Variants in OSBP2 observed in about 807,000 individuals in gnomAD.
OSBP2 encodes oxysterol-binding protein 2.
Under a neutral mutation model 96.0 loss-of-function variants are expected in OSBP2, and 66 were observed. The observed-to-expected ratio is 0.69, with a 90% confidence interval of 0.56 to 0.84. OSBP2 has a LOEUF of 0.84. Among genes scored for constraint, OSBP2 ranks in the 40% least tolerant of loss-of-function variants. The pLI is 0.00. For missense variants in OSBP2, 1,038 were observed against 1,222.7 expected (o/e 0.85, Z 2.25); for synonymous variants, 525 against 520.9 (o/e 1.01, Z -0.11).
At chr22:30,838,833 G>T (rs1001474256) in intron 2 of OSBP2, among the ~76,000 whole-genome samples, 24 of 149,226 alleles carry the variant, frequency 1.6e-4, no homozygotes, top group Non-Finnish European at 2.8e-4. Context: ...GTTTCGTTTT[G>T]TTTTTTTTTA....
chr22:30,832,542 T>G (rs950019658), intron 2 of OSBP2, among the ~76,000 whole-genome samples: 2 of 152,188 alleles, frequency 1.3e-5, no homozygotes, highest in South Asian at 2.1e-4. Context: ...CCTCCTGCCT[T>G]GGCCTTCCAA....
Position 30,900,336 on chromosome 22 carries a change from A to T in OSBP2, c.2376-5501A>T, listed in dbSNP as rs778632059. On this transcript the variant is annotated intron_variant, in intron 12 of 13. Coordinates refer to ENST00000332585, the MANE Select transcript of OSBP2 (RefSeq NM_030758.4). ...TATAATCCAGACCTCTATAGAGAAC[A>T]TTATACAGCTTTAATAAGAGATACC... 6.6e-5 allele frequency among the ~76,000 whole-genome samples: 10 copies of T among 152,252 alleles called. No individual in the cohort carries two copies. In the East Asian group the frequency reaches 1.7e-3, roughly 26 times the overall value.
intron 2 of OSBP2, among the ~76,000 whole-genome samples, chr22:30,775,471 G>A (rs2090418892): frequency 6.6e-6 from 1 of 150,934 alleles, no homozygotes; most frequent in South Asian, 2.1e-4. Flanking sequence ...AAAAAAATGA[G>A]CTGGGCGTGG....
intron 2 of OSBP2, among the ~76,000 whole-genome samples, chr22:30,776,892 C>T (rs992226027): frequency 3.9e-5 from 6 of 152,184 alleles, no homozygotes; most frequent in Admixed American, 3.9e-4. Context: ...GGATGTGAGA[C>T]CTGGAGTCAA....
chr22:30,902,234 G>A, intron 12 of OSBP2: 1 of 1,477,232 alleles, frequency 6.8e-7, no homozygotes, highest in Non-Finnish European at 9.3e-7. Flanking sequence ...CACAGCATAT[G>A]TAGGGAATCT....
chr22:30,785,481 C>T (rs997623800), intron 2 of OSBP2, among the ~76,000 whole-genome samples: 1 of 150,404 alleles, frequency 6.6e-6, no homozygotes, highest in Non-Finnish European at 1.5e-5. Flanking sequence ...GAAAGAGAAT[C>T]ACTTGAATCC....
Position 30,695,640 on chromosome 22 carries a change from A to G in OSBP2, c.644+87A>G, listed in dbSNP as rs2089016067. 3 of 1,529,912 alleles carry G rather than the reference A, an allele frequency of 2.0e-6. No individual in the cohort carries two copies. In the South Asian group the frequency reaches 3.8e-5, roughly 19 times the overall value. The allele number at this position is 1,529,912 out of a possible 1,614,324, so 94.8% of individuals were successfully genotyped here. A position where few individuals can be genotyped will look rare whatever the true frequency, so the allele number is the denominator to read the frequency against. ...TGGAGGGCCTCCATGGTTGGCGGACACTGCCACTAGTCTAGAGATGTTTAG... is the reference window on the plus strand; with the variant it reads ...TGGAGGGCCTCCATGGTTGGCGGACGCTGCCACTAGTCTAGAGATGTTTAG... On this transcript the variant is annotated intron_variant, in intron 1 of 13. Coordinates refer to ENST00000332585, the MANE Select transcript of OSBP2 (RefSeq NM_030758.4).
intron 2 of OSBP2, among the ~76,000 whole-genome samples, chr22:30,795,588 C>T (rs899975005): frequency 6.2e-5 from 9 of 145,914 alleles, no homozygotes; most frequent in African/African-American, 2.1e-4. Context: ...GGTATGATCT[C>T]GGCTCACCAC....
intron 12 of OSBP2, among the ~76,000 whole-genome samples, chr22:30,904,878 G>GATGC (rs1156892474): frequency 6.6e-6 from 1 of 152,154 alleles, no homozygotes; most frequent in Non-Finnish European, 1.5e-5. Context: ...GCTGATGCCT[G>GATGC]TAATCCCAAC....
At chr22:30,749,056 C>T (rs2090041682) in intron 2 of OSBP2, among the ~76,000 whole-genome samples, 2 of 152,170 alleles carry the variant, frequency 1.3e-5, no homozygotes, top group South Asian at 4.1e-4. Context: ...GTGGAAGTTG[C>T]AGTGAGCCGA....
At chr22:30,885,552 T>C (rs1438095187) in intron 3 of OSBP2, among the ~76,000 whole-genome samples, 1 of 152,216 alleles carries the variant, frequency 6.6e-6, no homozygotes, top group Non-Finnish European at 1.5e-5. Context: ...TGATTCAGAC[T>C]CTGATGTAGC....
chr22:30,705,676 AG>A (rs2089241968), intron 1 of OSBP2, among the ~76,000 whole-genome samples: 2 of 152,088 alleles, frequency 1.3e-5, no homozygotes, highest in African/African-American at 4.8e-5. Context: ...TTTCTCAGGG[AG>A]GGTCTGTTAA....
intron 2 of OSBP2, among the ~76,000 whole-genome samples, chr22:30,848,060 T>A (rs1202269344): frequency 6.6e-6 from 1 of 152,204 alleles, no homozygotes; most frequent in Non-Finnish European, 1.5e-5. Flanking sequence ...TCACTGACTA[T>A]GTCTTAAAGG....
chr22:30,872,382 T>C (rs2039476908), intron 3 of OSBP2: 1 of 456,360 alleles, frequency 2.2e-6, no homozygotes, highest in Non-Finnish European at 4.4e-6. Flanking sequence ...GAATAAGCAG[T>C]TTTGGCTTTT....
At chr22:30,849,207 T>G (rs2038929949) in intron 2 of OSBP2, among the ~76,000 whole-genome samples, 1 of 151,912 alleles carries the variant, frequency 6.6e-6, no homozygotes, top group Non-Finnish European at 1.5e-5. Flanking sequence ...AGATTAAGAG[T>G]GTAGTGAGCT....
At chr22:30,720,027 T>C (rs976417144) in intron 1 of OSBP2, among the ~76,000 whole-genome samples, 4 of 152,212 alleles carry the variant, frequency 2.6e-5, no homozygotes, top group Admixed American at 2.6e-4. Context: ...CAACTCTGAA[T>C]GTTAGAAAAT....
At chr22:30,694,273 A>G (rs1251097259), upstream of OSBP2, 6 of 1,549,886 alleles carry the variant, frequency 3.9e-6, no homozygotes, top group Admixed American at 9.8e-5. Context: ...CAGCTGGCTC[A>G]GGAGGTGGAG....
In OSBP2 at chr22:30,906,990, GCA is replaced by G. The variant is rs1409021687; in HGVS notation, c.*654_*655del. The stretch of plus-strand genomic sequence containing the variant: ...AAGGGGGCTGCCCCAGCCCAGCAGA[GCA>G]CAGAGTTTCTGGAGCTCCCATCCAC... On this transcript the variant is annotated 3_prime_UTR_variant, in exon 14 of 14. Coordinates refer to ENST00000332585, the MANE Select transcript of OSBP2 (RefSeq NM_030758.4). The G allele has an allele frequency of 6.6e-6, 1 of 152,602 alleles. No homozygotes were observed. Among genetic ancestry groups the G allele is most frequent in the Admixed American group, 6.5e-5 (1 of 15,292 alleles). The allele number at this position is 152,602 out of a possible 1,614,324, so 9.5% of individuals were successfully genotyped here. A position where few individuals can be genotyped will look rare whatever the true frequency, so the allele number is the denominator to read the frequency against.
chr22:30,791,167 G>T (rs1184281723), intron 2 of OSBP2, among the ~76,000 whole-genome samples: 2 of 151,322 alleles, frequency 1.3e-5, no homozygotes, highest in East Asian at 1.9e-4. Flanking sequence ...AAGAGACGGG[G>T]TTTCACCATG....
Sources: allele counts gnomAD v4.1 joint callset (sites outside exome capture counted in the v4.1 genomes callset), GRCh38; gene constraint gnomAD v4.1.1; transcripts MANE v1.5; gene names NCBI Gene and HGNC (gene_info 2026-07-23, HGNC 2026-07-21).